MRTFB: variants seen among roughly 807,000 people sequenced by gnomAD.
MRTFB encodes the protein myocardin-related transcription factor B.
MRTFB carries 29 observed loss-of-function variants against 104.2 expected under a neutral mutation model. The ratio of observed to expected loss-of-function variants is 0.28; its 90% confidence interval spans 0.21 to 0.38. The LOEUF (loss-of-function observed/expected upper bound fraction) is 0.38, where lower values mean the gene tolerates loss of function less well. Among genes scored for constraint, MRTFB ranks in the 10% least tolerant of loss-of-function variants. The pLI is 1.00. For synonymous variants in MRTFB, 535 were observed against 519.5 expected (o/e 1.03, Z -0.41); for missense variants, 1,270 against 1,341.6 (o/e 0.95, Z 0.83).
At chr16:14,108,956 G>A (rs748677946) in intron 2 of MRTFB, among the ~76,000 whole-genome samples, 8 of 152,214 alleles carry the variant, frequency 5.3e-5, no homozygotes, top group South Asian at 2.1e-4. Context: ...GTAGTAATTC[G>A]AAAATTGTAT....
At chr16:14,063,800 A>G in the MRTFB span, among the ~76,000 whole-genome samples, 1 of 152,226 alleles carries the variant, frequency 6.6e-6, no homozygotes, top group Non-Finnish European at 1.5e-5. Flanking sequence ...TGCAAAGGAC[A>G]TGATCTCATT....
intron 3 of MRTFB, chr16:14,200,500 C>A: frequency 1.2e-6 from 2 of 1,610,580 alleles, no homozygotes; most frequent in Non-Finnish European, 8.5e-7. Flanking sequence ...TCAGTGCAAT[C>A]ATCGTCTGTC....
At chr16:14,255,967 G>A (rs1325197274) in intron 15 of MRTFB, among the ~76,000 whole-genome samples, 1 of 151,884 alleles carries the variant, frequency 6.6e-6, no homozygotes, top group Admixed American at 6.6e-5. Flanking sequence ...ACAAAAATTA[G>A]CCAGGTGTGG....
At chr16:14,136,811 C>G (rs983595162) in intron 2 of MRTFB, among the ~76,000 whole-genome samples, 6 of 151,472 alleles carry the variant, frequency 4.0e-5, no homozygotes, top group Non-Finnish European at 8.8e-5. Context: ...TCACAATGAA[C>G]TGGTTTGTTT....
chr16:14,212,560 T>G (rs756701796), intron 5 of MRTFB, 151 bp downstream of exon 5: 8 of 727,026 alleles, frequency 1.1e-5, no homozygotes, highest in Non-Finnish European at 1.8e-5. Context: ...GAATATTTAC[T>G]CTGGGATAGT....
chr16:14,203,309 C>T (rs1297146439), intron 3 of MRTFB, among the ~76,000 whole-genome samples: 1 of 152,054 alleles, frequency 6.6e-6, no homozygotes. Flanking sequence ...TCCAGCTGTT[C>T]GTAAAGAATT....
At position 14,105,746 on chromosome 16, in the gene MRTFB, G is replaced by A. The variant is rs181925876; in HGVS notation, c.-64+26392G>A. On this transcript the variant is annotated intron_variant, in intron 2 of 16. Coordinates refer to ENST00000571589, the MANE Select transcript of MRTFB (RefSeq NM_001308142.2). ...TGAATTAATAAGATGCTGTCCTTTT[G>A]TCAATGAAAACTCTAGTACTTATGA... is the stretch of plus-strand genomic sequence containing the variant. Among the ~76,000 whole-genome samples the A allele has an allele frequency of 3.3e-5, 5 of 152,224 alleles. No homozygotes were observed. The East Asian group carries it at 9.6e-4, about 29-fold the overall frequency.
intron 3 of MRTFB, among the ~76,000 whole-genome samples, chr16:14,150,613 T>C (rs1331515014): frequency 3.9e-5 from 6 of 152,114 alleles, no homozygotes; most frequent in Non-Finnish European, 8.8e-5. Context: ...TTCAGGAAGA[T>C]CTCTTGAGCC....
the MRTFB span, among the ~76,000 whole-genome samples, chr16:14,027,655 G>A: frequency 1.4e-4 from 22 of 152,222 alleles, no homozygotes; most frequent in African/African-American, 4.6e-4. Flanking sequence ...GAAGCTGGGC[G>A]AAGATGGTAC....
At chr16:14,060,226 C>T in the MRTFB span, among the ~76,000 whole-genome samples, 2 of 151,756 alleles carry the variant, frequency 1.3e-5, no homozygotes, top group East Asian at 1.9e-4. Flanking sequence ...AGGCTGGTCT[C>T]GAACTTCTGA....
chr16:14,096,589 T>C (rs921238593), intron 2 of MRTFB, among the ~76,000 whole-genome samples: 2 of 152,198 alleles, frequency 1.3e-5, no homozygotes, highest in Non-Finnish European at 2.9e-5. Flanking sequence ...AGCTGTAAAA[T>C]AGCCTACATA....
At chr16:14,249,199 C>T in intron 13 of MRTFB, 118 bp downstream of exon 13, 1 of 1,210,536 alleles carries the variant, frequency 8.3e-7, no homozygotes, top group Non-Finnish European at 1.1e-6. Flanking sequence ...TTTCTGTGAT[C>T]CATCTCCCAT....
rs144599734 is a variant in MRTFB, at chr16:14,140,368, G to A, written c.-63-176G>A. ...ACCTTATAATTGCTTGTTTTTAGGT[G>A]GGAAGTATGTTATTCCTGTTAGATA... On this transcript the variant is annotated intron_variant, in intron 2 of 16. Transcript: ENST00000571589. 1.2e-4 allele frequency among the ~76,000 whole-genome samples: 19 copies of A among 152,228 alleles called. No individual in the cohort carries two copies. In the East Asian group the frequency reaches 3.1e-3, roughly 25 times the overall value.
intron 7 of MRTFB, among the ~76,000 whole-genome samples, chr16:14,218,424 T>G (rs2041525642): frequency 1.3e-5 from 2 of 152,172 alleles, no homozygotes; most frequent in Non-Finnish European, 2.9e-5. Flanking sequence ...ACGTTGCCTC[T>G]GCCTGATATT....
At position 14,252,447 on chromosome 16, in the gene MRTFB, C is replaced by T. The variant is rs1597382830; in HGVS notation, c.2648C>T (p.Pro883Leu). Residue 883 changes from proline to leucine, a missense_variant, in exon 15 of 17, where the codon CCC (proline) becomes CTC (leucine). This residue lies in a region of MRTFB where 1,144 missense variants were observed against 1,131.5 expected (regional missense o/e 1.01). Transcript: ENST00000571589. ...GSPVAKTKDP[P>L]RYEEAIKQTR... ...CCAGTCGCCAAGACAAAAGATCCCCCCCGCTATGAGGAGGCCATCAAGCAG... is the reference window on the plus strand; with the variant it reads ...CCAGTCGCCAAGACAAAAGATCCCCTCCGCTATGAGGAGGCCATCAAGCAG... 4 of 1,613,864 alleles carry T rather than the reference C, an allele frequency of 2.5e-6. No homozygotes were observed. Among genetic ancestry groups the T allele is most frequent in the Non-Finnish European group, 3.4e-6 (4 of 1,179,990 alleles).
At chr16:14,163,581 C>T (rs1015180057) in intron 3 of MRTFB, among the ~76,000 whole-genome samples, 18 of 152,108 alleles carry the variant, frequency 1.2e-4, no homozygotes, top group African/African-American at 4.1e-4. Flanking sequence ...CCTGTAATCC[C>T]AGCACCTTGG....
chr16:14,200,233 A>G (rs2151104915), intron 3 of MRTFB: 9 of 1,318,418 alleles, frequency 6.8e-6, no homozygotes, highest in African/African-American at 1.5e-5. Context: ...GCTTAAGTAT[A>G]TGAATAATAC....
At chr16:14,126,242 G>A (rs1405269659) in intron 2 of MRTFB, among the ~76,000 whole-genome samples, 1 of 151,864 alleles carries the variant, frequency 6.6e-6, no homozygotes, top group Non-Finnish European at 1.5e-5. Context: ...GCCGTGTTAT[G>A]TTGCCAGATA....
intron 2 of MRTFB, among the ~76,000 whole-genome samples, chr16:14,116,752 C>A (rs1203888041): frequency 2.6e-5 from 4 of 152,124 alleles, no homozygotes; most frequent in Non-Finnish European, 5.9e-5. Flanking sequence ...ATGCCAGTAA[C>A]CCTCCTTCCC....
Sources: gnomAD v4.1 joint callset for allele counts (sites outside exome capture counted in the v4.1 genomes callset) on GRCh38, gnomAD v4.1.1 for gene constraint, gnomAD v4.1.1 regional missense constraint, MANE v1.5 for transcripts, NCBI Gene and HGNC (gene_info 2026-07-23, HGNC 2026-07-21) for gene names.